The following TEK variants were observed in gnomAD, a reference collection of about 807,000 sequenced individuals.
TEK encodes TEK receptor tyrosine kinase, also known as angiopoietin-1 receptor.
In TEK, 43 loss-of-function variants were observed where a neutral mutation model predicts 131.8. The observed-to-expected ratio is 0.33, with a 90% CI of 0.26 to 0.42. The LOEUF (loss-of-function observed/expected upper bound fraction) is 0.42. Ranked by LOEUF, TEK falls within the 10% of genes least tolerant of loss-of-function variation. TEK has a pLI of 1.00. For missense variants in TEK, 1,162 were observed against 1,384.4 expected (o/e 0.84, Z 2.55); for synonymous variants, 580 against 491.6 (o/e 1.18, Z -2.38).
chr9:27,160,768 T>A (rs1823517784), intron 2 of TEK, among the ~76,000 whole-genome samples: 1 of 152,240 alleles, frequency 6.6e-6, no homozygotes, highest in South Asian at 2.1e-4. Flanking sequence ...CACCTTTAAA[T>A]GACAGCAGGG....
chr9:27,190,820 C>T (rs1370173295), intron 10 of TEK, 130 bp downstream of exon 10: 8 of 1,345,152 alleles, frequency 5.9e-6, no homozygotes, highest in Non-Finnish European at 8.3e-6. Flanking sequence ...GCAGAGGATT[C>T]TGTTTCAGAG....
chr9:27,214,002 C>T (rs985471979), intron 18 of TEK, among the ~76,000 whole-genome samples: 1 of 152,198 alleles, frequency 6.6e-6, no homozygotes, highest in Non-Finnish European at 1.5e-5. Flanking sequence ...TAAATGGTTT[C>T]TAAATCACCA....
Position 27,174,650 on chromosome 9 carries a change from G to A in TEK, c.901+1288G>A, listed in dbSNP as rs74514882. ...GGGGCTTGGAGGAGGAGGACAAAGAGGAGAGTTACACAAAAGTAAGCTTCA... is the reference window on the plus strand; with the variant it reads ...GGGGCTTGGAGGAGGAGGACAAAGAAGAGAGTTACACAAAAGTAAGCTTCA... On this transcript the variant is annotated intron_variant, in intron 6 of 22. Coordinates refer to ENST00000380036, the MANE Select transcript of TEK (RefSeq NM_000459.5). Among the ~76,000 whole-genome samples, 845 of 152,224 alleles carry A rather than the reference G, an allele frequency of 5.6e-3. 7 individuals are homozygous for A. The highest frequency in any genetic ancestry group is 0.019 in the African/African-American group (807 of 41,538).
At chr9:27,119,780 A>G (rs1339496812) in intron 1 of TEK, among the ~76,000 whole-genome samples, 1 of 151,980 alleles carries the variant, frequency 6.6e-6, no homozygotes, top group Non-Finnish European at 1.5e-5. Flanking sequence ...TTTATCCCAA[A>G]CCTATTGATT....
At position 27,173,341 on chromosome 9, in the gene TEK, A is replaced by C. The variant is rs781677642; in HGVS notation, c.880A>C (p.Lys294Gln). The change falls in exon 6 of 23, where the codon AAG becomes CAG. Residue 294 changes from lysine (K) to glutamine (Q), a missense_variant. By Grantham distance (53) the Lys-to-Gln change is moderately conservative. This residue lies in a region of TEK where 436 missense variants were observed against 539.1 expected (regional missense o/e 0.81). Coordinates refer to ENST00000380036, the MANE Select transcript of TEK (RefSeq NM_000459.5). The stretch of plus-strand genomic sequence containing the variant: ...TGGGTGTTCCTGTGCCACAGGCTGG[A>C]AGGGTCTGCAGTGCAATGAAGGTAT... ...PYGCSCATGWKGLQCNEACHP... is the reference protein window; with the variant it reads ...PYGCSCATGWQGLQCNEACHP... The C allele has an allele frequency of 5.6e-6, 9 of 1,612,980 alleles. No individual in the cohort carries two copies. The Admixed American group carries it at 1.5e-4, about 27-fold the overall frequency.
intron 12 of TEK, 47 bp from the exon 13 acceptor site, chr9:27,202,773 C>T: frequency 6.3e-7 from 1 of 1,575,752 alleles, no homozygotes; most frequent in Non-Finnish European, 8.7e-7. Context: ...ATGATCTAGG[C>T]CATGGTAGTA....
chr9:27,201,578 C>G (rs1008986492), intron 12 of TEK, among the ~76,000 whole-genome samples: 5 of 152,122 alleles, frequency 3.3e-5, no homozygotes, highest in Admixed American at 6.5e-5. Flanking sequence ...ACTGTACCAT[C>G]TGCTAGACAT....
At position 27,212,717 on chromosome 9, in the gene TEK, C is replaced by T; in HGVS notation, c.2697C>T (p.Tyr899=). 6.2e-7 allele frequency: 1 copy of T among 1,614,118 alleles called. No individual in the cohort carries two copies. Among genetic ancestry groups the T allele is most frequent in the Non-Finnish European group, 8.5e-7 (1 of 1,180,004 alleles). Residue 899 remains tyrosine, a synonymous_variant, in exon 17 of 23, where the codon TAC becomes TAT. Coordinates refer to ENST00000380036, the MANE Select transcript of TEK (RefSeq NM_000459.5). ...CTTCCTTCCCTCCAGGCTACTTGTA[C>T]CTGGCCATTGAGTACGCGCCCCATG... ...LGACEHRGYL[Y]LAIEYAPHGN...
intron 21 of TEK, among the ~76,000 whole-genome samples, chr9:27,226,454 C>G (rs1826330834): frequency 6.6e-6 from 1 of 152,108 alleles, no homozygotes; most frequent in Non-Finnish European, 1.5e-5. Flanking sequence ...AGCTGGAAAC[C>G]AACATTCTCA....
chr9:27,228,733 C>T (rs1056780872), intron 22 of TEK, among the ~76,000 whole-genome samples: 6 of 152,140 alleles, frequency 3.9e-5, no homozygotes, highest in African/African-American at 1.4e-4. Context: ...CTGTACCGAT[C>T]TGGGAGTCAA....
chr9:27,115,151 G>A (rs1821500268), intron 1 of TEK, among the ~76,000 whole-genome samples: 1 of 152,104 alleles, frequency 6.6e-6, no homozygotes, highest in Non-Finnish European at 1.5e-5. Context: ...CTTTTCAAGG[G>A]CTGTAAAAGT....
Position 27,228,322 on chromosome 9 carries a change from G to C in TEK, c.3300+17G>C, listed in dbSNP as rs1251936687. 6.3e-7 allele frequency: 1 copy of C among 1,588,928 alleles called. No homozygotes were observed. Among genetic ancestry groups the C allele is most frequent in the Non-Finnish European group, 8.6e-7 (1 of 1,157,890 alleles). The stretch of plus-strand genomic sequence containing the variant: ...GAGCGAAAGGTAAGTATTAAAGTCA[G>C]GCAGGAGATCTTTAATTGGAATACC... On this transcript the variant is annotated intron_variant, in intron 22 of 22. Coordinates refer to ENST00000380036, the MANE Select transcript of TEK (RefSeq NM_000459.5).
intron 1 of TEK, among the ~76,000 whole-genome samples, chr9:27,152,596 C>CCCCT (rs201775199): frequency 7.3e-6 from 1 of 136,640 alleles, no homozygotes; most frequent in African/African-American, 2.8e-5. Context: ...TGAAGCCCCC[C>CCCCT]CGCCGCAAAA....
chr9:27,178,543 C>A (rs192626772), intron 6 of TEK, among the ~76,000 whole-genome samples: 3 of 152,180 alleles, frequency 2.0e-5, no homozygotes, highest in African/African-American at 7.2e-5. Flanking sequence ...TTGTAGATAA[C>A]TTAGTTGTGA....
In TEK at chr9:27,168,508, A is replaced by G. The variant is rs769815141; in HGVS notation, c.378A>G (p.Pro126=). 1 of 1,613,628 alleles carries G rather than the reference A, an allele frequency of 6.2e-7. No homozygotes were observed. Among genetic ancestry groups the G allele is most frequent in the Non-Finnish European group, 8.5e-7 (1 of 1,179,614 alleles). The change falls in exon 3 of 23, where the codon CCA becomes CCG. Residue 126 remains proline (P), a synonymous_variant. Coordinates refer to ENST00000380036, the MANE Select transcript of TEK (RefSeq NM_000459.5). ...CTCTTTTAAAAGCTTCCTTCCTACC[A>G]GCTACTTTAACTATGACTGTGGACA... is the stretch of plus-strand genomic sequence containing the variant. ...MKMRQQASFL[P]ATLTMTVDKG...
chr9:27,186,354 T>G (rs1256490071), intron 9 of TEK, among the ~76,000 whole-genome samples: 4 of 152,168 alleles, frequency 2.6e-5, no homozygotes, highest in Admixed American at 6.5e-5. Flanking sequence ...TAGACAAGAA[T>G]ACCTAACAGC....
At position 27,202,956 on chromosome 9, in the gene TEK, C is replaced by A. The variant is rs112475919; in HGVS notation, c.2046C>A (p.Asp682Glu). 8.1e-6 allele frequency: 13 copies of A among 1,614,092 alleles called. No homozygotes were observed. Among genetic ancestry groups the A allele is most frequent in the African/African-American group, 8.0e-5 (6 of 75,026 alleles). The change falls in exon 13 of 23, where the codon GAC becomes GAA. Residue 682 changes from aspartate (D) to glutamate (E), a missense_variant. Around this residue, in one of 6 missense-constraint regions of TEK, gnomAD observed 477 missense variants for 471.0 expected, o/e 1.01. Coordinates refer to ENST00000380036, the MANE Select transcript of TEK (RefSeq NM_000459.5). ...IRYKVQGKNEDQHVDVKIKNA... is the reference protein window; with the variant it reads ...IRYKVQGKNEEQHVDVKIKNA... ...ACAAGGTTCAAGGCAAGAATGAAGA[C>A]CAGCACGTTGATGTGAAGATAAAGA...
intron 1 of TEK, among the ~76,000 whole-genome samples, chr9:27,139,236 C>T (rs1822628436): frequency 3.4e-5 from 4 of 117,622 alleles, no homozygotes; most frequent in Admixed American, 9.1e-5. Flanking sequence ...CAGTAGGATT[C>T]TTATTTTTTA....
intron 9 of TEK, among the ~76,000 whole-genome samples, chr9:27,190,292 A>G (rs1256610266): frequency 6.6e-6 from 1 of 152,162 alleles, no homozygotes; most frequent in African/African-American, 2.4e-5. Flanking sequence ...ATGAGAATCC[A>G]TTGAAGGGTC....
Sources: gnomAD v4.1 joint callset for allele counts (sites outside exome capture counted in the v4.1 genomes callset) on GRCh38, gnomAD v4.1.1 for gene constraint, gnomAD v4.1.1 regional missense constraint, MANE v1.5 for transcripts, NCBI Gene and HGNC (gene_info 2026-07-23, HGNC 2026-07-21) for gene names.